The following NPTN variants were observed in gnomAD, a reference collection of about 807,000 sequenced individuals.
NPTN encodes the protein SDR-1.
Under a neutral mutation model 42.7 loss-of-function variants are expected in NPTN, and 5 were observed. The observed-to-expected ratio is 0.12, with a 90% CI of 0.06 to 0.25. The LOEUF is 0.25. Among genes scored for constraint, NPTN ranks in the 10% least tolerant of loss-of-function variants. NPTN has a pLI of 1.00. For synonymous variants in NPTN, 180 were observed against 201.9 expected, an observed-to-expected ratio of 0.89 and a Z score of 0.92; for missense variants, 307 against 525.4, an observed-to-expected ratio of 0.58 and a Z score of 4.06.
Position 73,619,227 on chromosome 15 carries a change from T to C in NPTN, c.91+13898A>G, listed in dbSNP as rs368611026. On this transcript the variant is annotated intron_variant, in intron 1 of 8. Transcript: ENST00000345330. ...ATAAAGCTTCTATTGCTTTAACTAT[T>C]TAGATCATTGTCTTAATTACTAATG... is the stretch of plus-strand genomic sequence containing the variant. Among the ~76,000 whole-genome samples, 17 of 152,284 alleles carry C rather than the reference T, an allele frequency of 1.1e-4. No homozygotes were observed. The East Asian group carries it at 3.3e-3, about 29-fold the overall frequency.
chr15:73,569,032 T>C lies in NPTN; in HGVS notation c.1114+1118A>G, dbSNP rs143452610. On this transcript the variant is annotated intron_variant, in intron 6 of 8. Transcript: ENST00000345330. This position sits in a 1 kb window ranked among gnomAD's most constrained non-coding sequence, Gnocchi z 4.1. Reference sequence around the variant, plus strand: ...GGACAGCCAGCTCTGTGGGGCAGGATACAGCACCACAGGTGCACAAACACA... The same window carrying C: ...GGACAGCCAGCTCTGTGGGGCAGGACACAGCACCACAGGTGCACAAACACA... 57 of 985,484 alleles carry C rather than the reference T, an allele frequency of 5.8e-5. No individual in the cohort carries two copies. The East Asian group carries it at 5.1e-3, about 88-fold the overall frequency. 61.0% of individuals were successfully genotyped at this position (985,484 alleles called of 1,614,324 possible).
chr15:73,579,535 T>C (rs1356134997), intron 4 of NPTN, among the ~76,000 whole-genome samples: 1 of 151,954 alleles, frequency 6.6e-6, no homozygotes, highest in East Asian at 1.9e-4. Flanking sequence ...TAGAACCATC[T>C]AGAATGCTAA....
At chr15:73,629,784 CAAT>C (rs1898634988) in intron 1 of NPTN, among the ~76,000 whole-genome samples, 1 of 150,444 alleles carries the variant, frequency 6.6e-6, no homozygotes, top group Non-Finnish European at 1.5e-5. Flanking sequence ...TTATTCACAA[CAAT>C]AATACTCTAT....
At chr15:73,623,767 C>T (rs1416236661) in intron 1 of NPTN, among the ~76,000 whole-genome samples, 1 of 152,174 alleles carries the variant, frequency 6.6e-6, no homozygotes, top group East Asian at 1.9e-4. Flanking sequence ...ATTTTTCTCT[C>T]ATTGAGCTTC....
rs1197870123 is a variant in NPTN at position 73,560,727 on chromosome 15, AATTTAACAGCTGC to A, written c.*323_*335del. 1 of 152,054 alleles carries A rather than the reference AATTTAACAGCTGC, an allele frequency of 6.6e-6. No individual in the cohort carries two copies. The highest frequency in any genetic ancestry group is 1.9e-4 in the East Asian group (1 of 5,198). The allele number at this position is 152,054 out of a possible 1,614,324, so 9.4% of individuals were successfully genotyped here. On this transcript the variant is annotated 3_prime_UTR_variant, in exon 9 of 9. Transcript: ENST00000345330. The stretch of plus-strand genomic sequence containing the variant: ...CAGCAGTGCATTTTAGAGCTTTGCC[AATTTAACAGCTGC>A]ATTAAGTAAAAAATGGCGCATGCAT...
At chr15:73,562,435 G>A (rs948917387) in intron 7 of NPTN, among the ~76,000 whole-genome samples, 26 of 152,066 alleles carry the variant, frequency 1.7e-4, no homozygotes, top group Admixed American at 1.3e-3. Flanking sequence ...CTTCGAATCC[G>A]GAACTATAAT....
intron 1 of NPTN, among the ~76,000 whole-genome samples, chr15:73,631,884 T>C (rs1328674626): frequency 6.6e-6 from 1 of 152,190 alleles, no homozygotes; most frequent in East Asian, 1.9e-4. Flanking sequence ...TTTAGGTCCC[T>C]ATGCCCATGA....
In NPTN at chr15:73,569,290, A is replaced by G; in HGVS notation, c.1114+860T>C. ...CTCCATCAGCAGCTTCCCCCTTCAC[A>G]GGAAAAATCGATCACCAAAAATTTC... is the stretch of plus-strand genomic sequence containing the variant. On this transcript the variant is annotated intron_variant, in intron 6 of 8. Coordinates refer to ENST00000345330, the MANE Select transcript of NPTN (RefSeq NM_012428.4). This position sits in a 1 kb window ranked among gnomAD's most constrained non-coding sequence, Gnocchi z 4.1. 1.0e-6 allele frequency: 1 copy of G among 985,612 alleles called. No individual in the cohort carries two copies. Among genetic ancestry groups the G allele is most frequent in the Non-Finnish European group, 1.2e-6 (1 of 830,050 alleles). The allele number at this position is 985,612 out of a possible 1,614,324, so 61.1% of individuals were successfully genotyped here. A position where few individuals can be genotyped will look rare whatever the true frequency, so the allele number is the denominator to read the frequency against.
At chr15:73,598,041 C>G (rs74954368) in intron 1 of NPTN, among the ~76,000 whole-genome samples, 19,595 of 152,140 alleles carry the variant, frequency 0.13, 1,880 homozygotes, top group African/African-American at 0.27. Flanking sequence ...AGTTGTTTAG[C>G]GTTAGGCAGC....
At chr15:73,610,962 T>G (rs1399892639) in intron 1 of NPTN, among the ~76,000 whole-genome samples, 1 of 152,162 alleles carries the variant, frequency 6.6e-6, no homozygotes, top group Non-Finnish European at 1.5e-5. Flanking sequence ...CTTTACTGAG[T>G]CTTATTTTGA....
chr15:73,585,854 G>GT (rs1408913317), intron 4 of NPTN, among the ~76,000 whole-genome samples: 1 of 152,168 alleles, frequency 6.6e-6, no homozygotes, highest in Non-Finnish European at 1.5e-5. Flanking sequence ...CACGTAAGTT[G>GT]TAACTTGCTC....
intron 3 of NPTN, 198 bp downstream of exon 3, chr15:73,591,768 A>C: frequency 2.1e-6 from 1 of 478,726 alleles, no homozygotes; most frequent in South Asian, 3.8e-5. Context: ...ATGATTCTCC[A>C]ATCTGGCTGC....
intron 4 of NPTN, among the ~76,000 whole-genome samples, chr15:73,580,117 C>A (rs914630786): frequency 6.6e-6 from 1 of 151,688 alleles, no homozygotes; most frequent in Non-Finnish European, 1.5e-5. Context: ...AATGGTAAAG[C>A]CAGAATCCAA....
intron 1 of NPTN, among the ~76,000 whole-genome samples, chr15:73,621,063 G>A (rs1239598241): frequency 6.6e-6 from 1 of 152,006 alleles, no homozygotes; most frequent in African/African-American, 2.4e-5. Context: ...TAGTAAAAGG[G>A]AGCTACAAAA....
chr15:73,568,121 T>G (rs1161259420), intron 6 of NPTN: 1 of 985,350 alleles, frequency 1.0e-6, no homozygotes, highest in Non-Finnish European at 1.2e-6. Context: ...AAAAAAGAGC[T>G]GCTTCCCTGG....
chr15:73,580,609 T>A (rs1256127293), intron 4 of NPTN, among the ~76,000 whole-genome samples: 1 of 144,572 alleles, frequency 6.9e-6, no homozygotes, highest in African/African-American at 2.6e-5. Flanking sequence ...TATATGTATA[T>A]ACATGTTATA....
chr15:73,588,424 C>A (rs1896425204), intron 3 of NPTN, among the ~76,000 whole-genome samples: 1 of 152,096 alleles, frequency 6.6e-6, no homozygotes, highest in African/African-American at 2.4e-5. Flanking sequence ...GACCCAGGCA[C>A]AGTTTAAAGA....
At chr15:73,574,212 C>T (rs1895561579) in intron 4 of NPTN, among the ~76,000 whole-genome samples, 2 of 152,196 alleles carry the variant, frequency 1.3e-5, no homozygotes, top group Admixed American at 1.3e-4. Context: ...ATCACACATT[C>T]CCTTAAGGAA....
At chr15:73,595,884 C>T (rs930003846) in intron 2 of NPTN, among the ~76,000 whole-genome samples, 19 of 149,468 alleles carry the variant, frequency 1.3e-4, no homozygotes, top group Non-Finnish European at 2.2e-4. Context: ...ACAAAAGTCC[C>T]GGTGTCATAT....
Sources: allele counts gnomAD v4.1 joint callset (sites outside exome capture counted in the v4.1 genomes callset), GRCh38; gene constraint gnomAD v4.1.1; non-coding constraint Gnocchi (gnomAD v3.1); transcripts MANE v1.5; gene names NCBI Gene and HGNC (gene_info 2026-07-23, HGNC 2026-07-21).